The following EXOC4 variants were observed in gnomAD, a reference collection of about 807,000 sequenced individuals.
EXOC4 encodes the protein exocyst complex component 4.
Under a neutral mutation model 107.2 loss-of-function variants are expected in EXOC4, and 71 were observed. The ratio of observed to expected loss-of-function variants is 0.66; its 90% confidence interval spans 0.55 to 0.81. The LOEUF is 0.81. EXOC4 is among the 30% of genes least tolerant of loss of function. The pLI is 0.00. For synonymous variants in EXOC4, 456 were observed against 441.2 expected (o/e 1.03, Z -0.42); for missense variants, 1,108 against 1,189.6 (o/e 0.93, Z 1.01).
chr7:133,295,638 G>A (rs1300018217), intron 3 of EXOC4, among the ~76,000 whole-genome samples: 1 of 152,134 alleles, frequency 6.6e-6, no homozygotes, highest in East Asian at 1.9e-4. Flanking sequence ...TAGATAGCAG[G>A]ACCAGTGGAC....
chr7:133,290,612 T>C (rs1794382438), intron 3 of EXOC4, among the ~76,000 whole-genome samples: 1 of 152,236 alleles, frequency 6.6e-6, no homozygotes, highest in Admixed American at 6.5e-5. Context: ...AAATAGGTTG[T>C]TAGAATTTAT....
intron 17 of EXOC4, among the ~76,000 whole-genome samples, chr7:134,014,238 C>T (rs771358464): frequency 7.2e-5 from 11 of 152,134 alleles, no homozygotes; most frequent in Non-Finnish European, 1.2e-4. Flanking sequence ...CCTGTCTCTA[C>T]TAAAAATACA....
chr7:133,370,409 G>A (rs1275834949), intron 6 of EXOC4, among the ~76,000 whole-genome samples: 3 of 152,068 alleles, frequency 2.0e-5, no homozygotes, highest in East Asian at 3.9e-4. Context: ...CAAGTCAAGC[G>A]AGGAGGGGCT....
intron 11 of EXOC4, among the ~76,000 whole-genome samples, chr7:133,847,914 G>A (rs1235781488): frequency 2.1e-5 from 2 of 93,694 alleles, no homozygotes; most frequent in African/African-American, 8.9e-5. Context: ...ATTTTTAGTA[G>A]AGACACAGTT....
chr7:133,711,861 C>G (rs527814398), intron 10 of EXOC4, among the ~76,000 whole-genome samples: 1 of 152,222 alleles, frequency 6.6e-6, no homozygotes, highest in African/African-American at 2.4e-5. Context: ...CTTACCATGC[C>G]TTCCTGTTTA....
intron 12 of EXOC4, among the ~76,000 whole-genome samples, chr7:133,908,248 C>G: frequency 6.6e-6 from 1 of 152,226 alleles, no homozygotes. Context: ...GTGCAAGGGA[C>G]TTTATGGTCA....
At chr7:133,554,272 A>G (rs1365598563) in intron 9 of EXOC4, among the ~76,000 whole-genome samples, 1 of 152,212 alleles carries the variant, frequency 6.6e-6, no homozygotes, top group Non-Finnish European at 1.5e-5. Flanking sequence ...ACTATTCCCT[A>G]GAAATCATTC....
At chr7:133,559,196 C>T (rs1413253888) in intron 9 of EXOC4, among the ~76,000 whole-genome samples, 1 of 152,086 alleles carries the variant, frequency 6.6e-6, no homozygotes, top group Non-Finnish European at 1.5e-5. Flanking sequence ...TGTGACAAAT[C>T]ATTTTCTCCC....
chr7:133,719,100 C>G (rs1221613550), intron 10 of EXOC4, among the ~76,000 whole-genome samples: 1 of 152,162 alleles, frequency 6.6e-6, no homozygotes, highest in African/African-American at 2.4e-5. Flanking sequence ...ATCATGGGGG[C>G]AGGTCTTTCT....
chr7:133,982,798 T>C (rs1176957228), intron 14 of EXOC4, among the ~76,000 whole-genome samples: 1 of 152,206 alleles, frequency 6.6e-6, no homozygotes, highest in Non-Finnish European at 1.5e-5. Context: ...GTCGGAAATA[T>C]GAACTCAGGT....
At chr7:133,342,782 G>A (rs943876717) in intron 5 of EXOC4, among the ~76,000 whole-genome samples, 1 of 151,908 alleles carries the variant, frequency 6.6e-6, no homozygotes. Context: ...GAGCTCTGAA[G>A]TTCTTTCTTC....
intron 9 of EXOC4, among the ~76,000 whole-genome samples, chr7:133,602,892 G>T (rs1801841606): frequency 1.3e-5 from 2 of 152,156 alleles, no homozygotes; most frequent in Non-Finnish European, 2.9e-5. Context: ...TATATAATAT[G>T]TAGGAAAAAA....
intron 10 of EXOC4, among the ~76,000 whole-genome samples, chr7:133,763,404 T>C (rs954495220): frequency 6.6e-6 from 1 of 152,146 alleles, no homozygotes; most frequent in East Asian, 1.9e-4. Context: ...GGTTGGTTTA[T>C]GGAATGGATT....
intron 10 of EXOC4, among the ~76,000 whole-genome samples, chr7:133,799,684 G>A (rs1796892372): frequency 6.6e-6 from 1 of 152,188 alleles, no homozygotes; most frequent in Admixed American, 6.5e-5. Context: ...TCATGAGATG[G>A]AAGTAAAAGC....
intron 2 of EXOC4, among the ~76,000 whole-genome samples, chr7:133,284,342 C>T (rs895087536): frequency 5.9e-5 from 9 of 151,966 alleles, no homozygotes; most frequent in South Asian, 2.1e-4. Flanking sequence ...CCATAGTAAC[C>T]GTTACACATA....
intron 9 of EXOC4, among the ~76,000 whole-genome samples, chr7:133,547,979 C>G (rs932050261): frequency 6.6e-6 from 1 of 151,902 alleles, no homozygotes; most frequent in African/African-American, 2.4e-5. Flanking sequence ...TTGCCCGGAT[C>G]CATCAGAAGA....
chr7:133,292,519 G>A (rs1036090420), intron 3 of EXOC4, among the ~76,000 whole-genome samples: 1 of 152,130 alleles, frequency 6.6e-6, no homozygotes, highest in African/African-American at 2.4e-5. Flanking sequence ...GGTTGCTGGT[G>A]CATAAGGATG....
chr7:133,666,198 A>G (rs1793809074), intron 10 of EXOC4, among the ~76,000 whole-genome samples: 1 of 151,972 alleles, frequency 6.6e-6, no homozygotes, highest in Non-Finnish European at 1.5e-5. Context: ...AAGCGAAAAA[A>G]TTCCATTTTC....
chr7:133,472,251 A>C (rs1475242535), intron 7 of EXOC4, among the ~76,000 whole-genome samples: 1 of 152,192 alleles, frequency 6.6e-6, no homozygotes, highest in African/African-American at 2.4e-5. Flanking sequence ...AAGGACTGGA[A>C]GGGAAAGAGA....
Sources: allele counts gnomAD v4.1 joint callset (sites outside exome capture counted in the v4.1 genomes callset), GRCh38; gene constraint gnomAD v4.1.1; transcripts MANE v1.5; gene names NCBI Gene and HGNC (gene_info 2026-07-23, HGNC 2026-07-21).